C18orf32: variants seen among roughly 807,000 people sequenced by gnomAD.
C18orf32 encodes the protein chromosome 18 open reading frame 32.
A neutral mutation model predicts 7.4 loss-of-function variants in C18orf32; 5 were observed. The ratio of observed to expected loss-of-function variants is 0.68; its 90% CI spans 0.35 to 1.42. C18orf32 has a LOEUF of 1.42. C18orf32 is among the 40% of genes most tolerant of loss of function. The pLI is 0.04. For missense variants in C18orf32, 88 were observed against 92.4 expected, an observed-to-expected ratio of 0.95 and a Z score of 0.19; for synonymous variants, 30 against 29.3, an observed-to-expected ratio of 1.02 and a Z score of -0.08.
In C18orf32 at chr18:49,477,284, G is replaced by A. The variant is rs912009622; in HGVS notation, c.*5061C>T. 6.7e-6 allele frequency: 1 copy of A among 149,882 alleles called. No homozygotes were observed. The highest frequency in any genetic ancestry group is 1.5e-5 in the Non-Finnish European group (1 of 68,004). 9.3% of individuals were successfully genotyped at this position (149,882 alleles called of 1,614,324 possible). A position where few individuals can be genotyped will look rare whatever the true frequency, so the allele number is the denominator to read the frequency against. ...AACTTTATTATTATTTATTTGAAAC[G>A]GGGTATTGCTCTGTTGTCCTGGCTG... is the stretch of plus-strand genomic sequence containing the variant. On this transcript the variant is annotated 3_prime_UTR_variant, in exon 3 of 3. Coordinates refer to ENST00000318240, the MANE Select transcript of C18orf32 (RefSeq NM_001035005.4).
chr18:49,482,265 G>T lies in C18orf32; in HGVS notation c.*80C>A. 2.0e-6 allele frequency: 2 copies of T among 980,434 alleles called. No individual in the cohort carries two copies. The highest frequency in any genetic ancestry group is 1.8e-5 in the Admixed American group (1 of 55,344). 60.7% of individuals were successfully genotyped at this position (980,434 alleles called of 1,614,324 possible). On this transcript the variant is annotated 3_prime_UTR_variant, in exon 3 of 3. Coordinates refer to ENST00000318240, the MANE Select transcript of C18orf32 (RefSeq NM_001035005.4). ...CCTGAATTCCGGTCTCAGATAAAAA[G>T]GTCAGAGACAATTACAAGGAAGATG...
Position 49,483,574 on chromosome 18 carries a change from A to C in C18orf32, c.165+10T>G. 6.3e-7 allele frequency: 1 copy of C among 1,588,020 alleles called. No individual in the cohort carries two copies. Among genetic ancestry groups the C allele is most frequent in the Non-Finnish European group, 8.5e-7 (1 of 1,169,840 alleles). ...CACTGCTCTTATTCAAGGCATGTGA[A>C]TGTTCTTACCTTAAAGTTTACTTTG... On this transcript the variant is annotated intron_variant, in intron 2 of 2. Transcript: ENST00000318240.
rs940639812 is a variant in C18orf32, at chr18:49,482,249, C to T, written c.*96G>A. 1.1e-5 allele frequency: 9 copies of T among 839,456 alleles called. No homozygotes were observed. Among genetic ancestry groups the T allele is most frequent in the South Asian group, 7.1e-5 (5 of 70,474 alleles). The allele number at this position is 839,456 out of a possible 1,614,324, so 52.0% of individuals were successfully genotyped here. A position where few individuals can be genotyped will look rare whatever the true frequency, so the allele number is the denominator to read the frequency against. ...ATATCTAGACTCCTATCCTGAATTC[C>T]GGTCTCAGATAAAAAGGTCAGAGAC... is the stretch of plus-strand genomic sequence containing the variant. On this transcript the variant is annotated 3_prime_UTR_variant, in exon 3 of 3. Coordinates refer to ENST00000318240, the MANE Select transcript of C18orf32 (RefSeq NM_001035005.4).
chr18:49,483,763 G>A lies in C18orf32; in HGVS notation c.-15C>T. 1.2e-6 allele frequency: 2 copies of A among 1,602,838 alleles called. No homozygotes were observed. Among genetic ancestry groups the A allele is most frequent in the Admixed American group, 3.6e-5 (2 of 55,838 alleles). ...ATGCACACCATTTTCCCAAGCTTGA[G>A]CTCCTCAACTGTTGATATATGTGAA... On this transcript the variant is annotated 5_prime_UTR_variant, in exon 2 of 3. Coordinates refer to ENST00000318240, the MANE Select transcript of C18orf32 (RefSeq NM_001035005.4).
In C18orf32 at chr18:49,479,964, G is replaced by A. The variant is rs552762954; in HGVS notation, c.*2381C>T. The A allele has an allele frequency of 2.0e-5, 3 of 152,368 alleles. No individual in the cohort carries two copies. The highest frequency in any genetic ancestry group is 1.3e-4 in the Admixed American group (2 of 15,282). The allele number at this position is 152,368 out of a possible 1,614,324, so 9.4% of individuals were successfully genotyped here. A position where few individuals can be genotyped will look rare whatever the true frequency, so the allele number is the denominator to read the frequency against. ...GCACTTGGGAGGATGTGTGGGAGGA[G>A]CAGAGGCAGTGTAAGATAGCGGCAT... On this transcript the variant is annotated 3_prime_UTR_variant, in exon 3 of 3. Coordinates refer to ENST00000318240, the MANE Select transcript of C18orf32 (RefSeq NM_001035005.4).
chr18:49,482,712 C>G (rs888282422), intron 2 of C18orf32, among the ~76,000 whole-genome samples: 3 of 140,854 alleles, frequency 2.1e-5, no homozygotes, highest in Non-Finnish European at 4.5e-5. Context: ...GGTGACAAAG[C>G]GAGACTTCAT....
intron 2 of C18orf32, among the ~76,000 whole-genome samples, chr18:49,482,800 C>CT (rs11454920): frequency 0.42 from 55,167 of 130,024 alleles, 11,893 homozygotes; most frequent in Admixed American, 0.51. Flanking sequence ...CTGTCTCTCT[C>CT]TTTTTTTTTT....
At chr18:49,482,510 C>T (rs1349928631) in intron 2 of C18orf32, 100 bp from the exon 3 acceptor site, 8 of 778,256 alleles carry the variant, frequency 1.0e-5, no homozygotes, top group Admixed American at 2.3e-5. Flanking sequence ...AGGCAGATCA[C>T]GAGGTCAGAA....
Position 49,479,985 on chromosome 18 carries a change from G to A in C18orf32, c.*2360C>T, listed in dbSNP as rs1427182590. ...AGGAGCAGAGGCAGTGTAAGATAGC[G>A]GCATCTCAACCATTATGGGAAACAA... On this transcript the variant is annotated 3_prime_UTR_variant, in exon 3 of 3. Transcript: ENST00000318240. The A allele has an allele frequency of 1.3e-5, 2 of 152,304 alleles. No homozygotes were observed. The highest frequency in any genetic ancestry group is 1.9e-4 in the East Asian group (1 of 5,208). The allele number at this position is 152,304 out of a possible 1,614,324, so 9.4% of individuals were successfully genotyped here. A position where few individuals can be genotyped will look rare whatever the true frequency, so the allele number is the denominator to read the frequency against.
rs1381421496 is a variant in C18orf32 at position 49,479,665 on chromosome 18, G to A, written c.*2680C>T. On this transcript the variant is annotated 3_prime_UTR_variant, in exon 3 of 3. Transcript: ENST00000318240. ...TGTTCCTTGAGGCACAGTGACTTCT[G>A]GCTGAGGAACAGTTGGCCTGAGGTG... The A allele has an allele frequency of 6.6e-6, 1 of 152,414 alleles. No homozygotes were observed. Among genetic ancestry groups the A allele is most frequent in the African/African-American group, 2.4e-5 (1 of 41,448 alleles). The allele number at this position is 152,414 out of a possible 1,614,324, so 9.4% of individuals were successfully genotyped here.
intron 2 of C18orf32, 147 bp downstream of exon 2, chr18:49,483,437 G>A: frequency 9.8e-7 from 1 of 1,020,386 alleles, no homozygotes; most frequent in South Asian, 1.8e-5. Flanking sequence ...ATTAATCAGA[G>A]GCCTACTTTA....
At chr18:49,483,798 T>C in intron 1 of C18orf32, 27 bp from the exon 2 acceptor site, 1 of 1,581,762 alleles carries the variant, frequency 6.3e-7, no homozygotes, top group East Asian at 2.3e-5. Context: ...AGAAAAAAAT[T>C]AGTTCATCAC....
chr18:49,482,349 T>A lies in C18orf32; in HGVS notation c.227A>T (p.Asp76Val). ...GPTEICDKKK[D>V] ...GGGTCCTTTAGGAAAATTTCTTTAG[T>A]CTTTCTTTTTATCACAGATTTCTGT... The change falls in exon 3 of 3, where the codon GAC becomes GTC. Residue 76 changes from aspartate (D) to valine (V), a missense_variant. Transcript: ENST00000318240. The A allele has an allele frequency of 6.2e-7, 1 of 1,610,764 alleles. No individual in the cohort carries two copies. The highest frequency in any genetic ancestry group is 8.5e-7 in the Non-Finnish European group (1 of 1,177,266).
At position 49,482,320 on chromosome 18, in the gene C18orf32, G is replaced by A; in HGVS notation, c.*25C>T. 1 of 1,558,026 alleles carries A rather than the reference G, an allele frequency of 6.4e-7. No homozygotes were observed. Among genetic ancestry groups the A allele is most frequent in the Non-Finnish European group, 8.8e-7 (1 of 1,130,612 alleles). On this transcript the variant is annotated 3_prime_UTR_variant, in exon 3 of 3. Transcript: ENST00000318240. ...ATATTATCAGGTCCATTTTTTAAATGATGGGGTCCTTTAGGAAAATTTCTT... is the reference window on the plus strand; with the variant it reads ...ATATTATCAGGTCCATTTTTTAAATAATGGGGTCCTTTAGGAAAATTTCTT...
intron 2 of C18orf32, 141 bp from the exon 3 acceptor site, chr18:49,482,551 AC>A: frequency 3.4e-6 from 2 of 587,916 alleles, no homozygotes; most frequent in East Asian, 6.0e-5. Flanking sequence ...ACATGGTGAA[AC>A]CCCGTCCCTA....
chr18:49,485,520 C>T (rs919906760), intron 1 of C18orf32, among the ~76,000 whole-genome samples: 2 of 150,934 alleles, frequency 1.3e-5, no homozygotes, highest in African/African-American at 4.9e-5. Context: ...CGCCATTGCA[C>T]TCCAGCCTGC....
intron 1 of C18orf32, among the ~76,000 whole-genome samples, chr18:49,485,771 G>A (rs1436329526): frequency 6.6e-6 from 1 of 151,920 alleles, no homozygotes; most frequent in Non-Finnish European, 1.5e-5. Context: ...ACAGCCCTGC[G>A]CCACGATGCC....
chr18:49,483,873 A>C, intron 1 of C18orf32, 102 bp from the exon 2 acceptor site: 3 of 1,378,622 alleles, frequency 2.2e-6, no homozygotes, highest in Non-Finnish European at 2.9e-6. Flanking sequence ...GTGGTGGCTC[A>C]CGCCTGTAAT....
rs529206402 is a variant in C18orf32 at position 49,481,958 on chromosome 18, T to C, written c.*387A>G. ...TTCACTGGACTGTTTCACAACAAAATTGTACTCCACTCAAATTAGAAGAGC... is the reference window on the plus strand; with the variant it reads ...TTCACTGGACTGTTTCACAACAAAACTGTACTCCACTCAAATTAGAAGAGC... On this transcript the variant is annotated 3_prime_UTR_variant, in exon 3 of 3. Coordinates refer to ENST00000318240, the MANE Select transcript of C18orf32 (RefSeq NM_001035005.4). 3.9e-5 allele frequency: 8 copies of C among 206,216 alleles called. No homozygotes were observed. Among genetic ancestry groups the C allele is most frequent in the South Asian group, 7.5e-5 (1 of 13,356 alleles). 12.8% of individuals were successfully genotyped at this position (206,216 alleles called of 1,614,324 possible).
Sources: allele counts gnomAD v4.1 joint callset (sites outside exome capture counted in the v4.1 genomes callset), GRCh38; gene constraint gnomAD v4.1.1; transcripts MANE v1.5; gene names NCBI Gene and HGNC (gene_info 2026-07-23, HGNC 2026-07-21).